Variants in SAMD4B observed in about 807,000 individuals in gnomAD.
The protein encoded by SAMD4B is protein Smaug homolog 2.
SAMD4B carries 5 observed loss-of-function variants against 74.5 expected under a neutral mutation model. The ratio of observed to expected loss-of-function variants is 0.07; its 90% CI spans 0.04 to 0.14. The LOEUF (loss-of-function observed/expected upper bound fraction) is 0.14, where lower values mean the gene tolerates loss of function less well. Among genes scored for constraint, SAMD4B ranks in the 10% least tolerant of loss-of-function variants. The pLI is 1.00. For missense variants in SAMD4B, 608 were observed against 921.8 expected (o/e 0.66, Z 4.41); for synonymous variants, 373 against 374.9 (o/e 1.00, Z 0.06).
chr19:39,356,493 G>A (rs539250045), intron 2 of SAMD4B, among the ~76,000 whole-genome samples, 196 bp from the exon 3 acceptor site: 2 of 152,252 alleles, frequency 1.3e-5, no homozygotes, highest in South Asian at 2.1e-4. Context: ...TCCCAGTCAC[G>A]CCTTTTCTCT....
intron 3 of SAMD4B, among the ~76,000 whole-genome samples, chr19:39,362,469 T>A (rs897307491): frequency 2.6e-5 from 4 of 152,102 alleles, no homozygotes; most frequent in Non-Finnish European, 5.9e-5. Flanking sequence ...GCAGCCAGCA[T>A]CAGTTTCATG....
intron 2 of SAMD4B, among the ~76,000 whole-genome samples, chr19:39,355,365 G>A (rs2076285638): frequency 1.3e-5 from 2 of 152,142 alleles, no homozygotes; most frequent in South Asian, 4.1e-4. Flanking sequence ...AGTCTGTTTA[G>A]GGGTCCCACA....
intron 10 of SAMD4B, 107 bp downstream of exon 10, chr19:39,380,191 T>C: frequency 2.4e-6 from 2 of 846,728 alleles, no homozygotes; most frequent in Non-Finnish European, 3.7e-6. Context: ...TCTAGTTTTA[T>C]TCAGTCACTG....
downstream of SAMD4B, chr19:39,389,743 G>A: frequency 6.2e-7 from 1 of 1,614,114 alleles, no homozygotes; most frequent in Non-Finnish European, 8.5e-7. The surrounding 1 kb of genome is among the most constrained non-coding windows in gnomAD (Gnocchi z 5.3). Context: ...CCAAGGAAGT[G>A]GCTTTGTACT....
In SAMD4B at chr19:39,379,911, G is replaced by A. The variant is rs985677335; in HGVS notation, c.1531-55G>A. On this transcript the variant is annotated intron_variant, in intron 9 of 13. Coordinates refer to ENST00000610417, the MANE Select transcript of SAMD4B (RefSeq NM_001384574.2). The stretch of plus-strand genomic sequence containing the variant: ...AACAAATGAATGGAAGACTGGAAGG[G>A]AGGTCTGAAGGAAGCATCACCCTCT... 2.3e-5 allele frequency: 32 copies of A among 1,380,126 alleles called. No individual in the cohort carries two copies. In the Admixed American group the frequency reaches 5.3e-4, roughly 23 times the overall value. The allele number at this position is 1,380,126 out of a possible 1,614,324, so 85.5% of individuals were successfully genotyped here. A position where few individuals can be genotyped will look rare whatever the true frequency, so the allele number is the denominator to read the frequency against.
intron 4 of SAMD4B, among the ~76,000 whole-genome samples, chr19:39,372,614 C>G (rs2077372482): frequency 6.6e-6 from 1 of 152,166 alleles, no homozygotes; most frequent in Non-Finnish European, 1.5e-5. Context: ...GGCCCTGGAT[C>G]TCTGGCCGGC....
intron 3 of SAMD4B, among the ~76,000 whole-genome samples, chr19:39,358,209 T>A (rs2076441752): frequency 6.6e-6 from 1 of 152,166 alleles, no homozygotes; most frequent in Non-Finnish European, 1.5e-5. Flanking sequence ...AGGCGGAGGT[T>A]GCAGTGAGCC....
intron 4 of SAMD4B, among the ~76,000 whole-genome samples, chr19:39,372,215 A>C (rs1399398425): frequency 6.6e-6 from 1 of 152,214 alleles, no homozygotes; most frequent in African/African-American, 2.4e-5. Context: ...GGGACAGTAT[A>C]CAGACAGATC....
Position 39,383,843 on chromosome 19 carries a change from C to G in SAMD4B, c.*316C>G. 1 of 871,944 alleles carries G rather than the reference C, an allele frequency of 1.1e-6. No individual in the cohort carries two copies. The highest frequency in any genetic ancestry group is 1.8e-6 in the Non-Finnish European group (1 of 571,002). 54.0% of individuals were successfully genotyped at this position (871,944 alleles called of 1,614,324 possible). A position where few individuals can be genotyped will look rare whatever the true frequency, so the allele number is the denominator to read the frequency against. On this transcript the variant is annotated 3_prime_UTR_variant, in exon 14 of 14. Coordinates refer to ENST00000610417, the MANE Select transcript of SAMD4B (RefSeq NM_001384574.2). The surrounding 1 kb of genome is among the most constrained non-coding windows in gnomAD (Gnocchi z 4.1). ...TGGTCCCATCCCACCCCTGCCTCCT[C>G]CAGACCGCTGACCACCTGCCTCTCC... is the stretch of plus-strand genomic sequence containing the variant.
At chr19:39,381,668 C>T (rs1286863442) in intron 12 of SAMD4B, among the ~76,000 whole-genome samples, 1 of 152,154 alleles carries the variant, frequency 6.6e-6, no homozygotes, top group Non-Finnish European at 1.5e-5. Flanking sequence ...CAAGTGCGGG[C>T]ACAGTAACTC....
chr19:39,369,463 C>T (rs2077163370), intron 3 of SAMD4B, 192 bp from the exon 4 acceptor site: 3 of 596,340 alleles, frequency 5.0e-6, no homozygotes, highest in Non-Finnish European at 8.9e-6. Context: ...AAAAATAAGA[C>T]AAAAATTACT....
chr19:39,350,742 GC>G, intron 1 of SAMD4B: 1 of 152,050 alleles, frequency 6.6e-6, no homozygotes, highest in Non-Finnish European at 1.5e-5. Context: ...GCCCGTCTCG[GC>G]CCCCCAAAGT....
intron 12 of SAMD4B, 54 bp downstream of exon 12, chr19:39,381,167 T>C (rs2077960713): frequency 2.6e-6 from 4 of 1,525,354 alleles, no homozygotes; most frequent in East Asian, 2.3e-5. Flanking sequence ...AGCTGACCTT[T>C]CTTTTTTCTC....
At position 39,369,642 on chromosome 19, in the gene SAMD4B, A is replaced by G. The variant is rs766577019; in HGVS notation, c.197-13A>G. 2.9e-5 allele frequency: 47 copies of G among 1,610,786 alleles called. 1 individual carries two copies. The South Asian group carries it at 4.8e-4, about 17-fold the overall frequency. Reference sequence around the variant, plus strand: ...CCTGGCTCTCCTGATATTTCTTCTTATCCCTTCTGTAGCCATCGTCAGCCA... The same window carrying G: ...CCTGGCTCTCCTGATATTTCTTCTTGTCCCTTCTGTAGCCATCGTCAGCCA... On this transcript the variant is annotated splice_polypyrimidine_tract_variant and intron_variant, in intron 3 of 13. Coordinates refer to ENST00000610417, the MANE Select transcript of SAMD4B (RefSeq NM_001384574.2).
intron 3 of SAMD4B, among the ~76,000 whole-genome samples, chr19:39,368,244 C>A (rs1163074682): frequency 6.6e-6 from 1 of 152,094 alleles, no homozygotes; most frequent in Non-Finnish European, 1.5e-5. Context: ...CCTGGCTTAT[C>A]TCCACAGGGT....
At chr19:39,348,502 C>T (rs2075829989) in intron 1 of SAMD4B, 1 of 152,162 alleles carries the variant, frequency 6.6e-6, no homozygotes, top group African/African-American at 2.4e-5. Context: ...TTCAGGGAAT[C>T]GCAAGGACCA....
intron 4 of SAMD4B, among the ~76,000 whole-genome samples, chr19:39,373,176 G>A (rs148476783): frequency 0.01 from 1,566 of 152,282 alleles, 11 homozygotes; most frequent in East Asian, 0.029. Context: ...AACTCCCGTG[G>A]GAACTGGGGC....
At chr19:39,364,897 A>G (rs1025140219) in intron 3 of SAMD4B, among the ~76,000 whole-genome samples, 4 of 152,186 alleles carry the variant, frequency 2.6e-5, no homozygotes, top group Non-Finnish European at 1.5e-5. Flanking sequence ...CTGGAAATCC[A>G]GGGAAGAAGA....
At chr19:39,358,754 A>C (rs1251268652) in intron 3 of SAMD4B, among the ~76,000 whole-genome samples, 1 of 152,200 alleles carries the variant, frequency 6.6e-6, no homozygotes, top group African/African-American at 2.4e-5. Context: ...TCAATAACTC[A>C]CTTAGTCCTC....
Sources: gnomAD v4.1 joint callset for allele counts (sites outside exome capture counted in the v4.1 genomes callset) on GRCh38, gnomAD v4.1.1 for gene constraint, Gnocchi (gnomAD v3.1) non-coding constraint, MANE v1.5 for transcripts, NCBI Gene and HGNC (gene_info 2026-07-23, HGNC 2026-07-21) for gene names.